Variants in TUB observed in about 807,000 individuals in gnomAD.
TUB encodes TUB bipartite transcription factor, also known as tubby protein homolog.
TUB carries 33 observed loss-of-function variants against 59.7 expected under a neutral mutation model. The observed-to-expected ratio is 0.55, with a 90% CI of 0.42 to 0.74. The LOEUF is 0.74. TUB is among the 30% of genes least tolerant of loss of function. TUB has a pLI of 0.00. For synonymous variants in TUB, 293 were observed against 256.4 expected, an observed-to-expected ratio of 1.14 and a Z score of -1.36; for missense variants, 659 against 672.0, an observed-to-expected ratio of 0.98 and a Z score of 0.21.
At chr11:8,085,073 C>T (rs1943639591) in intron 1 of TUB, among the ~76,000 whole-genome samples, 1 of 152,182 alleles carries the variant, frequency 6.6e-6, no homozygotes, top group Admixed American at 6.5e-5. Flanking sequence ...TAGTGGGACT[C>T]CTGACGCCTT....
At chr11:8,079,507 G>T (rs893938271), upstream of TUB, among the ~76,000 whole-genome samples, 1 of 152,130 alleles carries the variant, frequency 6.6e-6, no homozygotes, top group African/African-American at 2.4e-5. Context: ...TATTTTGTCT[G>T]CTCTCTGTCC....
chr11:8,057,092 G>A (rs1943032092), intron 2 of TUB, among the ~76,000 whole-genome samples: 1 of 152,150 alleles, frequency 6.6e-6, no homozygotes, highest in Non-Finnish European at 1.5e-5. Context: ...GGAGGGCTGG[G>A]GAGGGGACTG....
intron 1 of TUB, among the ~76,000 whole-genome samples, chr11:8,082,111 C>T (rs1176055032): frequency 1.3e-5 from 2 of 152,224 alleles, no homozygotes; most frequent in Non-Finnish European, 2.9e-5. Flanking sequence ...TGTGCACGTC[C>T]ACCTCCTGTA....
At chr11:8,053,490 CTTTA>C (rs1942965118) in intron 2 of TUB, among the ~76,000 whole-genome samples, 1 of 151,532 alleles carries the variant, frequency 6.6e-6, no homozygotes, top group African/African-American at 2.4e-5. Flanking sequence ...ATTTATTTAT[CTTTA>C]TTTATTAATT....
At chr11:8,077,395 C>T (rs950314897), upstream of TUB, 1 of 152,180 alleles carries the variant, frequency 6.6e-6, no homozygotes, top group African/African-American at 2.4e-5. Flanking sequence ...GAACCATTCA[C>T]CTATTGGTTG....
At chr11:8,028,362 T>C (rs1241568829) in intron 1 of TUB, among the ~76,000 whole-genome samples, 1 of 152,206 alleles carries the variant, frequency 6.6e-6, no homozygotes. Context: ...AGATGTATGA[T>C]TTGCAAATGT....
intron 2 of TUB, among the ~76,000 whole-genome samples, chr11:8,064,885 G>C (rs959209535): frequency 1.3e-5 from 2 of 152,204 alleles, no homozygotes; most frequent in African/African-American, 4.8e-5. Context: ...GGTATCAAAG[G>C]ACTCCGCAAA....
At chr11:8,038,785 C>A (rs765907749) in exon 1 of TUB, 4 of 1,542,960 alleles carry the variant, frequency 2.6e-6, no homozygotes, top group Non-Finnish European at 3.5e-6. Context: ...AGTACTGAGG[C>A]GAATACAGGG....
At chr11:8,024,824 A>G (rs1266647833) in intron 1 of TUB, among the ~76,000 whole-genome samples, 2 of 152,168 alleles carry the variant, frequency 1.3e-5, no homozygotes, top group African/African-American at 4.8e-5. Flanking sequence ...TTTTGCAATT[A>G]TGTTTGTGTG....
chr11:8,044,234 G>A (rs1188371265), intron 2 of TUB, among the ~76,000 whole-genome samples: 1 of 151,934 alleles, frequency 6.6e-6, no homozygotes, highest in Non-Finnish European at 1.5e-5. Flanking sequence ...TTGTTCCAGA[G>A]TTTTTCATTT....
chr11:8,079,580 A>G (rs187521148), upstream of TUB, among the ~76,000 whole-genome samples: 414 of 152,312 alleles, frequency 2.7e-3, 1 homozygote, highest in Non-Finnish European at 4.1e-3. Context: ...TTCAGAGAGC[A>G]TCAATGTTGT....
upstream of TUB, among the ~76,000 whole-genome samples, chr11:8,079,744 T>C (rs1364310990): frequency 6.6e-6 from 1 of 151,732 alleles, no homozygotes; most frequent in East Asian, 1.9e-4. Context: ...TGAACTGTGA[T>C]TGGCCAAAAG....
At chr11:8,046,500 C>T (rs1942835789) in intron 2 of TUB, among the ~76,000 whole-genome samples, 1 of 152,208 alleles carries the variant, frequency 6.6e-6, no homozygotes, top group Admixed American at 6.5e-5. Context: ...GAAACCCAGC[C>T]CCAAATCTTA....
intron 2 of TUB, among the ~76,000 whole-genome samples, chr11:8,050,967 C>T (rs906981342): frequency 4.6e-5 from 7 of 152,158 alleles, no homozygotes; most frequent in Non-Finnish European, 1.0e-4. Flanking sequence ...AGCTTAAAGT[C>T]AAGGTGAGAC....
rs988479659 is a variant in TUB, at chr11:8,105,592, T to C, written c.*3973T>C. On this transcript the variant is annotated 3_prime_UTR_variant, in exon 12 of 12. Transcript: ENST00000299506. Reference sequence around the variant, plus strand: ...GTGATTTTGAGCAAACCACATAATCTCTCTAGGTCCATTTTCCTAACCACA... The same window carrying C: ...GTGATTTTGAGCAAACCACATAATCCCTCTAGGTCCATTTTCCTAACCACA... 9 of 152,162 alleles carry C rather than the reference T, an allele frequency of 5.9e-5. 1 individual carries two copies. Among genetic ancestry groups the C allele is most frequent in the Non-Finnish European group, 1.3e-4 (9 of 68,032 alleles). 9.4% of individuals were successfully genotyped at this position (152,162 alleles called of 1,614,324 possible).
At chr11:8,100,178 G>A (rs890194302) in intron 9 of TUB, among the ~76,000 whole-genome samples, 1 of 152,204 alleles carries the variant, frequency 6.6e-6, no homozygotes, top group Non-Finnish European at 1.5e-5. Context: ...GGTATAATTG[G>A]AAGGTGGAGC....
chr11:8,095,691 AC>A lies in TUB; in HGVS notation c.565+31del, dbSNP rs1454977059. ...GTGAGCCCCATGGGGACCCAGTGATACCCCCAAAACTCAGTCCCAGGTTCTC... is the reference window on the plus strand; with the variant it reads ...GTGAGCCCCATGGGGACCCAGTGATACCCCAAAACTCAGTCCCAGGTTCTC... On this transcript the variant is annotated intron_variant, in intron 5 of 11. Transcript: ENST00000299506. 9 of 1,561,956 alleles carry A rather than the reference AC, an allele frequency of 5.8e-6. 1 individual carries two copies. The South Asian group carries it at 8.2e-5, about 14-fold the overall frequency.
intron 2 of TUB, among the ~76,000 whole-genome samples, chr11:8,066,560 G>T (rs1943245869): frequency 6.6e-6 from 1 of 152,130 alleles, no homozygotes; most frequent in Non-Finnish European, 1.5e-5. Context: ...AGAGAGAGAG[G>T]CTGAAGCTGC....
In TUB at chr11:8,097,351, C is replaced by G. The variant is rs766908413; in HGVS notation, c.811C>G (p.Arg271Gly). 1 of 1,614,068 alleles carries G rather than the reference C, an allele frequency of 6.2e-7. No individual in the cohort carries two copies. The highest frequency in any genetic ancestry group is 8.5e-7 in the Non-Finnish European group (1 of 1,180,050). ...QGITIKCRIT[R>G]DKKGMDRGMY... The stretch of plus-strand genomic sequence containing the variant: ...TATCACCATCAAATGCCGCATCACT[C>G]GGGACAAGAAAGGGATGGACCGGGG... The change falls in exon 7 of 12, where the codon CGG becomes GGG. Residue 271 changes from arginine (R) to glycine (G), a missense_variant. Transcript: ENST00000299506.
Sources: allele counts gnomAD v4.1 joint callset (sites outside exome capture counted in the v4.1 genomes callset), GRCh38; gene constraint gnomAD v4.1.1; transcripts MANE v1.5; gene names NCBI Gene and HGNC (gene_info 2026-07-23, HGNC 2026-07-21).